Variants in KLHL2 observed in about 807,000 individuals in gnomAD.
KLHL2 encodes the protein kelch like family member 2.
A neutral mutation model predicts 75.8 loss-of-function variants in KLHL2; 15 were observed. That is an observed-to-expected ratio of 0.20 (90% CI 0.13 to 0.30). The LOEUF is 0.30. Ranked by LOEUF, KLHL2 falls within the 10% of genes least tolerant of loss-of-function variation. KLHL2 has a pLI of 1.00. For synonymous variants in KLHL2, 214 were observed against 251.9 expected (o/e 0.85, Z 1.42); for missense variants, 381 against 741.0 (o/e 0.51, Z 5.64).
chr4:165,279,651 C>A (rs1245501435), intron 5 of KLHL2: 1 of 1,610,814 alleles, frequency 6.2e-7, no homozygotes, highest in African/African-American at 1.3e-5. Context: ...GCCATGAAAC[C>A]AGCTTCAGGT....
chr4:165,225,483 C>T (rs532118998), intron 2 of KLHL2, among the ~76,000 whole-genome samples: 8 of 152,256 alleles, frequency 5.3e-5, no homozygotes, highest in Middle Eastern at 3.4e-3. Context: ...ATTTTGGAGG[C>T]GTTGTTTTCC....
intron 4 of KLHL2, among the ~76,000 whole-genome samples, chr4:165,250,968 T>G (rs1740656181): frequency 6.6e-6 from 1 of 152,222 alleles, no homozygotes; most frequent in South Asian, 2.1e-4. Context: ...TCCATTGGTT[T>G]GACATGTAAT....
chr4:165,263,802 AT>A (rs1313576886), intron 5 of KLHL2, among the ~76,000 whole-genome samples: 3 of 93,532 alleles, frequency 3.2e-5, no homozygotes, highest in African/African-American at 1.1e-4. Flanking sequence ...GATTTTTTAC[AT>A]TGTTTTTTTT....
Position 165,317,914 on chromosome 4 carries a change from A to G in KLHL2, c.1698A>G (p.Thr566=), listed in dbSNP as rs1233226867. The G allele has an allele frequency of 6.2e-7, 1 of 1,614,060 alleles. No homozygotes were observed. Among genetic ancestry groups the G allele is most frequent in the Admixed American group, 1.7e-5 (1 of 60,008 alleles). The part of the protein sequence containing the change: ...NLASVEYYNP[T]TDKWTVVSSC... ...CGTCAGTAGAATATTATAACCCAAC[A>G]ACCGATAAATGGACAGTTGTGTCAT... The change falls in exon 14 of 15, where the codon ACA becomes ACG. Residue 566 remains threonine, a synonymous_variant. Transcript: ENST00000226725.
Sources: gnomAD v4.1 joint callset for allele counts (sites outside exome capture counted in the v4.1 genomes callset) on GRCh38, gnomAD v4.1.1 for gene constraint, MANE v1.5 for transcripts, NCBI Gene and HGNC (gene_info 2026-07-23, HGNC 2026-07-21) for gene names.